Variants in RFPL2 observed in about 807,000 individuals in gnomAD.
RFPL2 encodes the protein ret finger protein like 2.
RFPL2 carries 13 observed loss-of-function variants against 17.8 expected under a neutral mutation model. The ratio of observed to expected loss-of-function variants is 0.73; its 90% confidence interval spans 0.47 to 1.16. RFPL2 has a LOEUF of 1.16. Ranked by LOEUF, RFPL2 falls within the 50% of genes most tolerant of loss-of-function variation. RFPL2 has a pLI of 0.00. For synonymous variants in RFPL2, 189 were observed against 180.9 expected (o/e 1.04, Z -0.36); for missense variants, 431 against 479.3 (o/e 0.90, Z 0.94).
chr22:32,197,419 T>C (rs5998295), intron 2 of RFPL2, among the ~76,000 whole-genome samples: 6,416 of 152,248 alleles, frequency 0.042, 179 homozygotes, highest in African/African-American at 0.071. Context: ...ACTTCATTTT[T>C]TTTTATTATT....
chr22:32,201,001 A>G (rs1923859776), intron 2 of RFPL2, among the ~76,000 whole-genome samples: 1 of 152,036 alleles, frequency 6.6e-6, no homozygotes, highest in East Asian at 1.9e-4. Flanking sequence ...GCTCCGCAGG[A>G]AACAGTGCAA....
chr22:32,195,528 C>T (rs2007457), intron 2 of RFPL2, among the ~76,000 whole-genome samples: 1 of 152,064 alleles, frequency 6.6e-6, no homozygotes, highest in African/African-American at 2.4e-5. Flanking sequence ...CAAACTTGGC[C>T]CACTGCAACA....
chr22:32,199,734 G>A (rs900454580), intron 2 of RFPL2, among the ~76,000 whole-genome samples: 14 of 152,212 alleles, frequency 9.2e-5, no homozygotes, highest in Admixed American at 1.3e-4. Flanking sequence ...CAGGCTCAGA[G>A]GTTCCCTGAA....
At chr22:32,193,458 G>C (rs1047122315) in intron 3 of RFPL2, 1 of 1,450,192 alleles carries the variant, frequency 6.9e-7, no homozygotes, top group African/African-American at 1.4e-5. Flanking sequence ...CCCAGCAGCT[G>C]AGCCTGAGCC....
chr22:32,202,291 T>A lies in RFPL2; in HGVS notation c.119+42A>T, dbSNP rs1237409039. 5.8e-6 allele frequency: 9 copies of A among 1,556,196 alleles called. No individual in the cohort carries two copies. The Admixed American group carries it at 1.8e-4, about 30-fold the overall frequency. On this transcript the variant is annotated intron_variant, in intron 2 of 4. Coordinates refer to ENST00000652607, the MANE Select transcript of RFPL2 (RefSeq NM_001394555.1). Reference sequence around the variant, plus strand: ...GCCTTCCTCTTTCCCTTATAAAGACTCCACCCTGGAGCAATGCGGAAAACC... The same window carrying A: ...GCCTTCCTCTTTCCCTTATAAAGACACCACCCTGGAGCAATGCGGAAAACC...
chr22:32,191,881 G>A (rs1257315963), intron 4 of RFPL2, among the ~76,000 whole-genome samples: 1 of 151,210 alleles, frequency 6.6e-6, no homozygotes, highest in Non-Finnish European at 1.5e-5. Context: ...GAGGCAATGT[G>A]ATCTGGCCTA....
intron 2 of RFPL2, among the ~76,000 whole-genome samples, chr22:32,196,345 T>A (rs1470569808): frequency 6.6e-6 from 1 of 152,064 alleles, no homozygotes; most frequent in Non-Finnish European, 1.5e-5. Context: ...AAATGAAGAT[T>A]TTTTTCTTTG....
Position 32,193,191 on chromosome 22 carries a change from C to T in RFPL2, c.267G>A (p.Val89=). The change falls in exon 4 of 5, where the codon GTG becomes GTA. Residue 89 remains valine, a splice_region_variant and synonymous_variant. Transcript: ENST00000652607. ...LEDRGASSRR[V]DMAALFQEAS... is the part of the protein sequence containing the mutation. Reference sequence around the variant, plus strand: ...CTTCTTGGAAGAGTGCAGCCATGTCCACTGCCAGGGGAAAAGTACACAAGG... The same window carrying T: ...CTTCTTGGAAGAGTGCAGCCATGTCTACTGCCAGGGGAAAAGTACACAAGG... The T allele has an allele frequency of 6.2e-7, 1 of 1,613,930 alleles. No individual in the cohort carries two copies. Among genetic ancestry groups the T allele is most frequent in the South Asian group, 1.1e-5 (1 of 91,072 alleles).
intron 1 of RFPL2, chr22:32,203,223 A>C: frequency 5.3e-6 from 2 of 379,754 alleles, no homozygotes; most frequent in South Asian, 1.1e-4. Context: ...AACTCCCCAA[A>C]CCCGCTCTGT....
intron 3 of RFPL2, chr22:32,193,475 A>G (rs912669131): frequency 2.4e-5 from 35 of 1,428,734 alleles, no homozygotes; most frequent in Admixed American, 8.7e-5. Context: ...AGCCAGTGAC[A>G]TGGCAGCACC....
intron 2 of RFPL2, among the ~76,000 whole-genome samples, chr22:32,197,220 A>G (rs1341638965): frequency 1.3e-5 from 2 of 152,186 alleles, no homozygotes; most frequent in Non-Finnish European, 2.9e-5. Context: ...GTGAATGTAA[A>G]GATATGAGTC....
chr22:32,203,015 T>C (rs1924105913), intron 1 of RFPL2: 2 of 985,876 alleles, frequency 2.0e-6, no homozygotes, highest in Non-Finnish European at 2.4e-6. Flanking sequence ...CCGCCGCACT[T>C]GAGCAAGAAC....
intron 1 of RFPL2, 37 bp from the exon 2 acceptor site, chr22:32,202,587 C>T (rs1224850191): frequency 1.4e-6 from 2 of 1,441,278 alleles, no homozygotes; most frequent in African/African-American, 1.4e-5. Context: ...TTAGAGCGCA[C>T]CTTGTCATGC....
At chr22:32,200,147 A>G (rs1923768071) in intron 2 of RFPL2, 5 of 382,776 alleles carry the variant, frequency 1.3e-5, no homozygotes, top group South Asian at 1.0e-4. Flanking sequence ...CACCCCATCA[A>G]TGGAGGTCCC....
chr22:32,202,711 TG>T (rs1269852138), intron 1 of RFPL2, 161 bp from the exon 2 acceptor site: 21 of 1,268,148 alleles, frequency 1.7e-5, no homozygotes, highest in Non-Finnish European at 2.1e-5. Context: ...GAGTGGGGAC[TG>T]CAGACACCAC....
intron 1 of RFPL2, among the ~76,000 whole-genome samples, chr22:32,204,387 A>T (rs1322416137): frequency 6.6e-6 from 1 of 151,626 alleles, no homozygotes; most frequent in East Asian, 1.9e-4. Flanking sequence ...AAAGCACCCA[A>T]CCTTCCCGTG....
At position 32,190,829 on chromosome 22, in the gene RFPL2, A is replaced by G. The variant is rs369320260; in HGVS notation, c.1080T>C (p.Cys360=). The G allele has an allele frequency of 1.5e-5, 23 of 1,561,242 alleles. No individual in the cohort carries two copies. Among genetic ancestry groups the G allele is most frequent in the African/African-American group, 2.8e-5 (2 of 72,320 alleles). Residue 360 remains cysteine (C), a synonymous_variant, in exon 5 of 5, where the codon TGT becomes TGC. Transcript: ENST00000652607. ...PNGDQGVLSI[C]PLMNSGTTDA... ...CAGTAGTGCCTGAGTTCATCAAAGG[A>G]CAGATGCTCAAGACACCTTGATCAC...
intron 3 of RFPL2, 120 bp downstream of exon 3, chr22:32,194,225 G>C (rs779056990): frequency 1.7e-6 from 2 of 1,157,118 alleles, no homozygotes; most frequent in Non-Finnish European, 2.4e-6. Context: ...CTCTGAGGCA[G>C]CACTCAGACG....
chr22:32,193,169 C>T lies in RFPL2; in HGVS notation c.289G>A (p.Glu97Lys). ...RRVDMAALFQ[E>K]ASSCPVCSDY... Reference sequence around the variant, plus strand: ...GAGCAGACGGGACAGCTGCTTGCTTCTTGGAAGAGTGCAGCCATGTCCACT... The same window carrying T: ...GAGCAGACGGGACAGCTGCTTGCTTTTTGGAAGAGTGCAGCCATGTCCACT... Residue 97 changes from glutamate to lysine, a missense_variant, in exon 4 of 5, where the codon GAA (glutamate) becomes AAA (lysine). Physicochemically the swap from Glu to Lys is moderately conservative, Grantham distance 56. Transcript: ENST00000652607. 6.2e-7 allele frequency: 1 copy of T among 1,613,962 alleles called. No homozygotes were observed. The highest frequency in any genetic ancestry group is 8.5e-7 in the Non-Finnish European group (1 of 1,179,874).
Sources: gnomAD v4.1 joint callset for allele counts (sites outside exome capture counted in the v4.1 genomes callset) on GRCh38, gnomAD v4.1.1 for gene constraint, MANE v1.5 for transcripts, NCBI Gene and HGNC (gene_info 2026-07-23, HGNC 2026-07-21) for gene names.